OSBPL9: variants seen among roughly 807,000 people sequenced by gnomAD.
The protein encoded by OSBPL9 is oxysterol binding protein like 9, also known as oxysterol-binding protein-related protein 9.
A neutral mutation model predicts 106.6 loss-of-function variants in OSBPL9; 40 were observed. The observed-to-expected ratio is 0.38, with a 90% CI of 0.29 to 0.49. OSBPL9 has a LOEUF of 0.49. Ranked by LOEUF, OSBPL9 falls within the 20% of genes least tolerant of loss-of-function variation. The probability of loss-of-function intolerance (pLI) is 0.97; values close to 1 mark genes in which losing one functional copy is unlikely to be tolerated. For missense variants in OSBPL9, 609 were observed against 887.2 expected, an observed-to-expected ratio of 0.69 and a Z score of 3.98; for synonymous variants, 269 against 295.4, an observed-to-expected ratio of 0.91 and a Z score of 0.92.
chr1:51,561,648 A>C, the OSBPL9 span: 2 of 152,238 alleles, frequency 1.3e-5, no homozygotes. Flanking sequence ...CTCGCTAGTG[A>C]AAATTAAATG....
chr1:51,604,313 T>G (rs1202185399), intron 2 of OSBPL9, among the ~76,000 whole-genome samples: 1 of 152,114 alleles, frequency 6.6e-6, no homozygotes, highest in African/African-American at 2.4e-5. Context: ...CCCAGCACTT[T>G]GGGAGACCGA....
chr1:51,711,581 T>G (rs1479229905), intron 3 of OSBPL9, among the ~76,000 whole-genome samples: 2 of 112,084 alleles, frequency 1.8e-5, no homozygotes, highest in African/African-American at 3.9e-5. Flanking sequence ...CCAGATGGGG[T>G]GGCTGCCGGG....
intron 4 of OSBPL9, among the ~76,000 whole-genome samples, chr1:51,739,711 A>G (rs1308814091): frequency 6.6e-6 from 1 of 152,022 alleles, no homozygotes. Context: ...TAACCCCAGA[A>G]CTTCCCTGTT....
the OSBPL9 span, among the ~76,000 whole-genome samples, chr1:51,524,838 C>A: frequency 6.6e-6 from 1 of 152,100 alleles, no homozygotes; most frequent in African/African-American, 2.4e-5. Flanking sequence ...CATAAGAAAC[C>A]AAAAGGAACA....
chr1:51,616,079 A>T (rs987724205), upstream of OSBPL9, among the ~76,000 whole-genome samples: 6 of 147,780 alleles, frequency 4.1e-5, no homozygotes, highest in African/African-American at 1.3e-4. Context: ...CAGTGATGCA[A>T]TCTCGGCTCC....
chr1:51,786,455 C>T, intron 21 of OSBPL9, 71 bp from the exon 22 acceptor site: 1 of 987,154 alleles, frequency 1.0e-6, no homozygotes, highest in Non-Finnish European at 1.6e-6. Flanking sequence ...GTGTCAAAAG[C>T]ACTACAATGC....
At chr1:51,583,204 A>T (rs1645230574) in intron 1 of OSBPL9, among the ~76,000 whole-genome samples, 1 of 152,154 alleles carries the variant, frequency 6.6e-6, no homozygotes, top group South Asian at 2.1e-4. Flanking sequence ...CTCTATGCCG[A>T]GATAAGATTT....
intron 9 of OSBPL9, chr1:51,760,485 A>G (rs1256557844): frequency 1.2e-5 from 7 of 585,834 alleles, no homozygotes; most frequent in Non-Finnish European, 1.6e-5. Flanking sequence ...TGTGACAGAG[A>G]TTCATTCATT....
At chr1:51,648,463 CTGGG>C (rs1365659953) in intron 1 of OSBPL9, among the ~76,000 whole-genome samples, 41 of 152,180 alleles carry the variant, frequency 2.7e-4, no homozygotes, top group Non-Finnish European at 4.4e-4. Context: ...GAAAAACTTC[CTGGG>C]AGATGACTCT....
At chr1:51,611,091 C>A (rs1643983965) in intron 2 of OSBPL9, among the ~76,000 whole-genome samples, 1 of 152,216 alleles carries the variant, frequency 6.6e-6, no homozygotes, top group South Asian at 2.1e-4. Flanking sequence ...GACAAAAGAT[C>A]AGTTCATTCC....
At chr1:51,756,384 T>C in intron 9 of OSBPL9, 26 bp downstream of exon 9, 2 of 1,604,112 alleles carry the variant, frequency 1.2e-6, no homozygotes, top group Non-Finnish European at 1.7e-6. Context: ...TCTTTTTGTT[T>C]CCCTTTACTT....
the OSBPL9 span, among the ~76,000 whole-genome samples, chr1:51,530,317 A>G: frequency 6.6e-5 from 10 of 152,074 alleles, no homozygotes; most frequent in Admixed American, 3.9e-4. Flanking sequence ...ACTGGATGTC[A>G]TCAGAACTTC....
chr1:51,564,118 C>T, the OSBPL9 span, among the ~76,000 whole-genome samples: 26 of 135,204 alleles, frequency 1.9e-4, 2 homozygotes, highest in African/African-American at 5.6e-4. Context: ...GAAAAGAAAA[C>T]GGGGGTCCAG....
At chr1:51,693,131 A>G (rs1299838554) in intron 3 of OSBPL9, among the ~76,000 whole-genome samples, 2 of 152,044 alleles carry the variant, frequency 1.3e-5, no homozygotes, top group African/African-American at 2.4e-5. Flanking sequence ...TGTAATTCCA[A>G]CACTTTGAGA....
chr1:51,763,967 A>T (rs1044132852), intron 11 of OSBPL9, among the ~76,000 whole-genome samples: 1 of 152,220 alleles, frequency 6.6e-6, no homozygotes. Flanking sequence ...TGTAAAAATT[A>T]CTTCCAGAAG....
At chr1:51,711,173 C>T (rs1208739633) in intron 3 of OSBPL9, among the ~76,000 whole-genome samples, 1 of 151,898 alleles carries the variant, frequency 6.6e-6, no homozygotes, top group African/African-American at 2.4e-5. Flanking sequence ...CCTTTCTATT[C>T]CACAAAGCCG....
At chr1:51,648,922 C>G (rs766766129) in intron 1 of OSBPL9, among the ~76,000 whole-genome samples, 136 of 152,118 alleles carry the variant, frequency 8.9e-4, no homozygotes, top group Non-Finnish European at 1.5e-3. Flanking sequence ...TTCTCCAAGT[C>G]CTCTTATTTA....
intron 2 of OSBPL9, among the ~76,000 whole-genome samples, chr1:51,601,825 ATCT>A (rs909160404): frequency 6.6e-6 from 1 of 152,138 alleles, no homozygotes; most frequent in Non-Finnish European, 1.5e-5. Flanking sequence ...TGCATTTATC[ATCT>A]TGTTTAATCC....
intron 1 of OSBPL9, among the ~76,000 whole-genome samples, chr1:51,623,739 G>C (rs1644585854): frequency 6.6e-6 from 1 of 152,056 alleles, no homozygotes; most frequent in Non-Finnish European, 1.5e-5. Flanking sequence ...CTAATTATTA[G>C]ATTTTAGATT....
Sources: allele counts gnomAD v4.1 joint callset (sites outside exome capture counted in the v4.1 genomes callset), GRCh38; gene constraint gnomAD v4.1.1; transcripts MANE v1.5; gene names NCBI Gene and HGNC (gene_info 2026-07-23, HGNC 2026-07-21).